NR6A1: variants seen among roughly 807,000 people sequenced by gnomAD.
NR6A1 encodes the protein retinoic acid receptor-related testis-associated receptor.
In NR6A1, 7 loss-of-function variants were observed where a neutral mutation model predicts 59.1. The observed-to-expected ratio is 0.12, with a 90% CI of 0.07 to 0.22. The LOEUF is 0.22. NR6A1 is among the 10% of genes least tolerant of loss of function. The pLI is 1.00. For missense variants in NR6A1, 468 were observed against 611.6 expected (o/e 0.77, Z 2.48); for synonymous variants, 243 against 236.1 (o/e 1.03, Z -0.27).
At position 124,588,955 on chromosome 9, in the gene NR6A1, A is replaced by G. The variant is rs114608588; in HGVS notation, c.143-34385T>C. ...AAAAGAAAGAAAAAAAAAACAGTAT[A>G]ATGTGATGGTCAGTTTCTTAAGGTA... is the stretch of plus-strand genomic sequence containing the variant. On this transcript the variant is annotated intron_variant, in intron 2 of 9. Transcript: ENST00000487099. Among the ~76,000 whole-genome samples the G allele has an allele frequency of 1.0e-2, 1,508 of 151,278 alleles. 27 individuals are homozygous for G. Among genetic ancestry groups the G allele is most frequent in the African/African-American group, 0.035 (1,443 of 41,168 alleles).
chr9:124,696,470 A>C (rs1442905735), intron 2 of NR6A1, among the ~76,000 whole-genome samples: 2 of 147,864 alleles, frequency 1.4e-5, no homozygotes, highest in Admixed American at 1.3e-4. Flanking sequence ...AAATGCATGT[A>C]TTTATACTTA....
At chr9:124,697,607 A>C (rs1463258328) in intron 2 of NR6A1, among the ~76,000 whole-genome samples, 1 of 152,120 alleles carries the variant, frequency 6.6e-6, no homozygotes, top group African/African-American at 2.4e-5. Flanking sequence ...CAAAACAGAA[A>C]TTGTGACTAA....
intron 2 of NR6A1, among the ~76,000 whole-genome samples, chr9:124,670,677 A>C (rs1418210486): frequency 2.0e-5 from 3 of 152,174 alleles, no homozygotes; most frequent in Non-Finnish European, 4.4e-5. Context: ...GATGAAACAA[A>C]GGGTGTGTTT....
At chr9:124,544,024 A>T (rs567970710) in intron 3 of NR6A1, among the ~76,000 whole-genome samples, 167 bp from the exon 4 acceptor site, 1 of 152,366 alleles carries the variant, frequency 6.6e-6, no homozygotes. Context: ...CTATTATTCC[A>T]GGCTCCTTCA....
chr9:124,629,157 C>G (rs1383021829), intron 2 of NR6A1, among the ~76,000 whole-genome samples: 2 of 152,160 alleles, frequency 1.3e-5, no homozygotes, highest in Non-Finnish European at 2.9e-5. Flanking sequence ...AAAAGGGAAA[C>G]TTATCCTGCA....
intron 2 of NR6A1, among the ~76,000 whole-genome samples, chr9:124,690,572 G>A (rs572640278): frequency 8.6e-5 from 13 of 151,940 alleles, no homozygotes; most frequent in Admixed American, 8.5e-4. Flanking sequence ...TTCTCACTCT[G>A]TCACCCAGGC....
At chr9:124,640,225 G>A (rs531192720) in intron 2 of NR6A1, among the ~76,000 whole-genome samples, 20 of 152,152 alleles carry the variant, frequency 1.3e-4, no homozygotes, top group Admixed American at 1.1e-3. Context: ...AGGATTTAGA[G>A]GGAATCTCCT....
At chr9:124,531,053 T>C (rs1279411300) in intron 7 of NR6A1, among the ~76,000 whole-genome samples, 3 of 152,266 alleles carry the variant, frequency 2.0e-5, no homozygotes, top group South Asian at 2.1e-4. Context: ...TTTGGCATAA[T>C]TGTTAGCTGT....
chr9:124,608,063 A>AAAAT (rs1288201382), intron 2 of NR6A1, among the ~76,000 whole-genome samples: 1 of 152,180 alleles, frequency 6.6e-6, no homozygotes, highest in African/African-American at 2.4e-5. Flanking sequence ...CAGTCTCAAA[A>AAAAT]AAATAAATAA....
intron 2 of NR6A1, among the ~76,000 whole-genome samples, chr9:124,635,753 TA>T (rs1404568345): frequency 6.6e-6 from 1 of 152,248 alleles, no homozygotes; most frequent in Non-Finnish European, 1.5e-5. Context: ...ATGCCACTGT[TA>T]TCTACTCTCC....
chr9:124,598,664 A>C (rs1400492071), intron 2 of NR6A1: 2 of 400,604 alleles, frequency 5.0e-6, no homozygotes, highest in Admixed American at 4.2e-5. Context: ...AAAAAAAAAA[A>C]AAAAACAAGG....
chr9:124,656,278 C>T (rs1489677562), intron 2 of NR6A1, among the ~76,000 whole-genome samples: 1 of 152,160 alleles, frequency 6.6e-6, no homozygotes, highest in East Asian at 1.9e-4. Context: ...GTACAGCTTG[C>T]AGAACCATGA....
chr9:124,628,067 C>T (rs1216215437), intron 2 of NR6A1, among the ~76,000 whole-genome samples: 2 of 151,896 alleles, frequency 1.3e-5, no homozygotes, highest in Admixed American at 6.6e-5. Context: ...CTCGCTCTGC[C>T]GCCAGGCTGG....
Position 124,634,638 on chromosome 9 carries a change from G to A in NR6A1, c.143-80068C>T, listed in dbSNP as rs550592215. 3.3e-5 allele frequency among the ~76,000 whole-genome samples: 5 copies of A among 152,228 alleles called. No homozygotes were observed. In the East Asian group the frequency reaches 9.6e-4, roughly 29 times the overall value. ...AGATCAAGACCATTCTGGCTAACACGGTGAAACCCCGTCTCTACTAAAAAT... is the reference window on the plus strand; with the variant it reads ...AGATCAAGACCATTCTGGCTAACACAGTGAAACCCCGTCTCTACTAAAAAT... On this transcript the variant is annotated intron_variant, in intron 2 of 9. Coordinates refer to ENST00000487099, the MANE Select transcript of NR6A1 (RefSeq NM_033334.4).
At chr9:124,650,643 T>C (rs1837072230) in intron 2 of NR6A1, among the ~76,000 whole-genome samples, 1 of 152,228 alleles carries the variant, frequency 6.6e-6, no homozygotes, top group South Asian at 2.1e-4. Flanking sequence ...GATTTCCCTA[T>C]TACCCCAATT....
chr9:124,523,879 C>T (rs1367609993), intron 9 of NR6A1, among the ~76,000 whole-genome samples: 1 of 152,100 alleles, frequency 6.6e-6, no homozygotes, highest in East Asian at 1.9e-4. Context: ...GGAAGAATCC[C>T]GGTCTATAGG....
intron 2 of NR6A1, among the ~76,000 whole-genome samples, chr9:124,594,486 A>T (rs1406084696): frequency 6.6e-6 from 1 of 152,166 alleles, no homozygotes; most frequent in Non-Finnish European, 1.5e-5. Flanking sequence ...CCAGCTCCTA[A>T]ACTCCTGTCC....
intron 1 of NR6A1, among the ~76,000 whole-genome samples, chr9:124,737,513 G>A (rs1241723916): frequency 3.9e-5 from 6 of 152,212 alleles, no homozygotes; most frequent in Admixed American, 6.5e-5. Flanking sequence ...CCAAATGTAC[G>A]TTAAATTGGA....
intron 2 of NR6A1, among the ~76,000 whole-genome samples, chr9:124,676,819 G>A (rs975981337): frequency 2.0e-5 from 3 of 152,140 alleles, no homozygotes; most frequent in South Asian, 4.1e-4. Flanking sequence ...CACAATATCA[G>A]ATATATGGCA....
Sources: allele counts gnomAD v4.1 joint callset (sites outside exome capture counted in the v4.1 genomes callset), GRCh38; gene constraint gnomAD v4.1.1; transcripts MANE v1.5; gene names NCBI Gene and HGNC (gene_info 2026-07-23, HGNC 2026-07-21).